The following ZNF786 variants were observed in gnomAD, a reference collection of about 807,000 sequenced individuals.
ZNF786 encodes zinc finger protein 786.
A neutral mutation model predicts 63.1 loss-of-function variants in ZNF786; 56 were observed. The ratio of observed to expected loss-of-function variants is 0.89; its 90% CI spans 0.72 to 1.11. The LOEUF is 1.11. ZNF786 is among the 50% of genes least tolerant of loss of function. The pLI, the probability that ZNF786 is intolerant of heterozygous loss-of-function variation, is 0.00. For missense variants in ZNF786, 1,213 were observed against 1,041.8 expected, an observed-to-expected ratio of 1.16 and a Z score of -2.26; for synonymous variants, 485 against 406.9, an observed-to-expected ratio of 1.19 and a Z score of -2.31.
At chr7:149,081,777 T>G (rs776721371) in intron 1 of ZNF786, among the ~76,000 whole-genome samples, 1 of 151,928 alleles carries the variant, frequency 6.6e-6, no homozygotes, top group African/African-American at 2.4e-5. Flanking sequence ...GAGAAAGAAA[T>G]AAAGGGTATC....
At chr7:149,087,685 A>G (rs987664750) in intron 1 of ZNF786, among the ~76,000 whole-genome samples, 1 of 152,144 alleles carries the variant, frequency 6.6e-6, no homozygotes, top group African/African-American at 2.4e-5. Context: ...CCGGGGTCAC[A>G]ACTTTCCATC....
At position 149,071,036 on chromosome 7, in the gene ZNF786, T is replaced by C. The variant is rs1487477716; in HGVS notation, c.1736A>G (p.Lys579Arg). ...GTGCACGCGCAAGTGCTCCGTGAGC[T>C]TGGATTGTCTGGTGAAGCCCTTGCC... The part of the protein sequence containing the change: ...ECGKGFTRQS[K>R]LTEHLRVHSG... Residue 579 changes from lysine to arginine, a missense_variant, in exon 4 of 4, where the codon AAG becomes AGG. Transcript: ENST00000491431. The C allele has an allele frequency of 3.1e-6, 5 of 1,612,360 alleles. No homozygotes were observed. The highest frequency in any genetic ancestry group is 4.2e-6 in the Non-Finnish European group (5 of 1,179,796).
rs1439986454 is a variant in ZNF786, at chr7:149,072,320, G to A, written c.452C>T (p.Pro151Leu). ...PQRHDARAPPPLACGPSESTL... is the reference protein window; with the variant it reads ...PQRHDARAPPLLACGPSESTL... ...AGATTCACTGGGGCCGCAGGCTAGT[G>A]GTGGAGGAGCCCTGGCGTCGTGTCT... The change falls in exon 4 of 4, where the codon CCA becomes CTA. Residue 151 changes from proline to leucine, a missense_variant. Coordinates refer to ENST00000491431, the MANE Select transcript of ZNF786 (RefSeq NM_152411.4). 5 of 1,613,732 alleles carry A rather than the reference G, an allele frequency of 3.1e-6. No individual in the cohort carries two copies. Among genetic ancestry groups the A allele is most frequent in the Non-Finnish European group, 4.2e-6 (5 of 1,179,820 alleles).
intron 2 of ZNF786, among the ~76,000 whole-genome samples, chr7:149,079,563 CTTTTT>C (rs377025040): frequency 1.7e-5 from 2 of 119,442 alleles, no homozygotes; most frequent in Non-Finnish European, 3.5e-5. Flanking sequence ...GACAGCTACT[CTTTTT>C]TTTTTTTTTT....
In ZNF786 at chr7:149,071,845, G is replaced by A; in HGVS notation, c.927C>T (p.Asp309=). 1.3e-6 allele frequency: 2 copies of A among 1,596,844 alleles called. No homozygotes were observed. The highest frequency in any genetic ancestry group is 1.7e-6 in the Non-Finnish European group (2 of 1,175,936). ...GCTGGCACCGGCGAGCCTGCGTGCT[G>A]TCCACTGGGAGGGAGCGCTTGCCGC... is the stretch of plus-strand genomic sequence containing the variant. ...TPCGKRSLPV[D]STQARRCQHS... Residue 309 remains aspartate, a synonymous_variant, in exon 4 of 4, where the codon GAC becomes GAT. Transcript: ENST00000491431.
intron 2 of ZNF786, among the ~76,000 whole-genome samples, chr7:149,076,598 A>G (rs1198624714): frequency 6.6e-6 from 1 of 151,214 alleles, no homozygotes; most frequent in South Asian, 2.1e-4. Flanking sequence ...GTGTGCCTAT[A>G]GTCCCAGCTA....
intron 1 of ZNF786, among the ~76,000 whole-genome samples, chr7:149,085,620 GT>G (rs1352907514): frequency 6.6e-6 from 1 of 152,098 alleles, no homozygotes; most frequent in Non-Finnish European, 1.5e-5. Context: ...TGGCAATATA[GT>G]TTTTTTCTAA....
chr7:149,081,518 T>C (rs1825654054), intron 1 of ZNF786, among the ~76,000 whole-genome samples: 1 of 148,102 alleles, frequency 6.8e-6, no homozygotes, highest in African/African-American at 2.5e-5. Flanking sequence ...GGATAAAGTA[T>C]AAAAGGGGAA....
rs758942162 is a variant in ZNF786, at chr7:149,080,571, C to G, written c.145+20G>C. 1.3e-6 allele frequency: 2 copies of G among 1,564,664 alleles called. No individual in the cohort carries two copies. Among genetic ancestry groups the G allele is most frequent in the Non-Finnish European group, 1.7e-6 (2 of 1,161,724 alleles). ...AGGATCCAGTTCCATGACCTACCCA[C>G]AAAGGTGAACAGGTCTTACCTAGAG... On this transcript the variant is annotated intron_variant, in intron 2 of 3. Transcript: ENST00000491431.
At chr7:149,083,823 A>G (rs1322384509) in intron 1 of ZNF786, among the ~76,000 whole-genome samples, 2 of 152,190 alleles carry the variant, frequency 1.3e-5, no homozygotes, top group African/African-American at 4.8e-5. Flanking sequence ...ATCTCACTTA[A>G]GACAATGGCC....
At position 149,071,847 on chromosome 7, in the gene ZNF786, C is replaced by G; in HGVS notation, c.925G>C (p.Asp309His). 5 of 1,597,458 alleles carry G rather than the reference C, an allele frequency of 3.1e-6. No homozygotes were observed. The highest frequency in any genetic ancestry group is 4.3e-6 in the Non-Finnish European group (5 of 1,176,202). The change falls in exon 4 of 4, where the codon GAC (aspartate) becomes CAC (histidine). Residue 309 changes from aspartate to histidine, a missense_variant. Transcript: ENST00000491431. ...TPCGKRSLPV[D>H]STQARRCQHS... ...TGGCACCGGCGAGCCTGCGTGCTGT[C>G]CACTGGGAGGGAGCGCTTGCCGCAT...
In ZNF786 at chr7:149,072,289, T is replaced by TAGGGTAGATTCACTGGGGCCGC. The variant is rs1161628528; in HGVS notation, c.461_482dup (p.Lys162ArgfsTer4). ...TTCTGGGACCTGGGATTCCTTCTTT[T>TAGGGTAGATTCACTGGGGCCGC]AGGGTAGATTCACTGGGGCCGCAGG... is the stretch of plus-strand genomic sequence containing the variant. On this transcript the variant is annotated stop_gained and frameshift_variant, in exon 4 of 4. Transcript: ENST00000491431. LOFTEE classifies it high-confidence loss of function. 1.9e-6 allele frequency: 3 copies of TAGGGTAGATTCACTGGGGCCGC among 1,613,628 alleles called. No homozygotes were observed. The highest frequency in any genetic ancestry group is 1.7e-4 in the Middle Eastern group (1 of 6,060).
intron 1 of ZNF786, chr7:149,081,281 C>T (rs1333863197): frequency 5.1e-6 from 2 of 394,398 alleles, no homozygotes; most frequent in South Asian, 3.7e-5. Context: ...ACTAAAAATA[C>T]AAAAATTAGC....
At position 149,071,193 on chromosome 7, in the gene ZNF786, G is replaced by A. The variant is rs1210893025; in HGVS notation, c.1579C>T (p.His527Tyr). ...GFTHQCKLREHLRVHSGERPF... is the reference protein window; with the variant it reads ...GFTHQCKLREYLRVHSGERPF... ...CTCTCCCCGCTGTGCACTCTCAGGT[G>A]CTCACGGAGCTTGCACTGGTGGGTG... Residue 527 changes from histidine (H) to tyrosine (Y), a missense_variant, in exon 4 of 4, where the codon CAC becomes TAC. Transcript: ENST00000491431. The A allele has an allele frequency of 1.2e-6, 2 of 1,611,648 alleles. No individual in the cohort carries two copies. The highest frequency in any genetic ancestry group is 1.1e-5 in the South Asian group (1 of 91,064).
At chr7:149,073,898 C>T (rs1002322085) in intron 3 of ZNF786, among the ~76,000 whole-genome samples, 1 of 150,206 alleles carries the variant, frequency 6.7e-6, no homozygotes, top group Non-Finnish European at 1.5e-5. Flanking sequence ...TCAAGCAATT[C>T]TTCTCCCTCA....
At chr7:149,082,216 C>T (rs10259119) in intron 1 of ZNF786, among the ~76,000 whole-genome samples, 7,699 of 152,172 alleles carry the variant, frequency 0.051, 662 homozygotes, top group African/African-American at 0.18. Flanking sequence ...CTTGCCCCTT[C>T]GCTGTCTCTC....
chr7:149,084,177 A>G (rs922143979), intron 1 of ZNF786, among the ~76,000 whole-genome samples: 1 of 151,998 alleles, frequency 6.6e-6, no homozygotes, highest in African/African-American at 2.4e-5. Context: ...CCTGGCCAAC[A>G]TGGAGAAACC....
intron 1 of ZNF786, among the ~76,000 whole-genome samples, chr7:149,086,797 A>T (rs1175002377): frequency 6.6e-6 from 1 of 151,430 alleles, no homozygotes; most frequent in African/African-American, 2.4e-5. Context: ...TCCACCCCCC[A>T]TGACCTAAAC....
chr7:149,071,563 G>A lies in ZNF786; in HGVS notation c.1209C>T (p.Thr403=). Residue 403 remains threonine, a synonymous_variant, in exon 4 of 4, where the codon ACC becomes ACT. Coordinates refer to ENST00000491431, the MANE Select transcript of ZNF786 (RefSeq NM_152411.4). ...GCAGGCGGCGCAGGCGGAAGCGCTT[G>A]GTGCAATGCGCACACTGGAAGGGCT... The part of the protein sequence containing the change: ...GEKPFQCAHC[T]KRFRLRRLLQ... The A allele has an allele frequency of 2.5e-6, 4 of 1,612,498 alleles. No individual in the cohort carries two copies. The highest frequency in any genetic ancestry group is 3.4e-6 in the Non-Finnish European group (4 of 1,179,706).
Sources: gnomAD v4.1 joint callset for allele counts (sites outside exome capture counted in the v4.1 genomes callset) on GRCh38, gnomAD v4.1.1 for gene constraint, MANE v1.5 for transcripts, NCBI Gene and HGNC (gene_info 2026-07-23, HGNC 2026-07-21) for gene names.